PTGFRN: variants seen among roughly 807,000 people sequenced by gnomAD.
PTGFRN encodes the protein prostaglandin F2 receptor inhibitor.
PTGFRN carries 35 observed loss-of-function variants against 83.2 expected under a neutral mutation model. That is an observed-to-expected ratio of 0.42 (90% CI 0.32 to 0.56). The LOEUF (loss-of-function observed/expected upper bound fraction) is 0.56, where lower values mean the gene tolerates loss of function less well. Among genes scored for constraint, PTGFRN ranks in the 20% least tolerant of loss-of-function variants. PTGFRN has a pLI of 0.11. For synonymous variants in PTGFRN, 519 were observed against 498.6 expected (o/e 1.04, Z -0.55); for missense variants, 1,051 against 1,179.5 (o/e 0.89, Z 1.60).
At chr1:116,969,705 T>C (rs1398177094) in intron 6 of PTGFRN, among the ~76,000 whole-genome samples, 1 of 152,236 alleles carries the variant, frequency 6.6e-6, no homozygotes, top group Non-Finnish European at 1.5e-5. Context: ...CATTTAACAA[T>C]ACTGTTTTTC....
Position 116,944,708 on chromosome 1 carries a change from A to G in PTGFRN, c.448A>G (p.Ser150Gly). ...VLADSLHVGP[S>G]ARPPPSLSLR... ...GGCCGACTCCCTGCACGTGGGCCCC[A>G]GCGCGCGGCCCCCGCCGAGCCTGAG... is the stretch of plus-strand genomic sequence containing the variant. Residue 150 changes from serine to glycine, a missense_variant, in exon 3 of 9, where the codon AGC becomes GGC. Physicochemically the swap from Ser to Gly is moderately conservative, Grantham distance 56. Transcript: ENST00000393203. 7.0e-7 allele frequency: 1 copy of G among 1,418,992 alleles called. No individual in the cohort carries two copies. The highest frequency in any genetic ancestry group is 9.2e-7 in the Non-Finnish European group (1 of 1,091,748). The allele number at this position is 1,418,992 out of a possible 1,614,324, so 87.9% of individuals were successfully genotyped here. A position where few individuals can be genotyped will look rare whatever the true frequency, so the allele number is the denominator to read the frequency against.
At chr1:116,910,358 G>C in intron 1 of PTGFRN, 106 bp downstream of exon 1, 1 of 1,046,382 alleles carries the variant, frequency 9.6e-7, no homozygotes, top group Non-Finnish European at 1.2e-6. Context: ...AGGGTGCCCG[G>C]GCTGCTCCCG....
chr1:116,971,043 TAGAA>T (rs1251096116), intron 6 of PTGFRN, among the ~76,000 whole-genome samples: 1 of 152,208 alleles, frequency 6.6e-6, no homozygotes, highest in African/African-American at 2.4e-5. Flanking sequence ...TATAGTAATG[TAGAA>T]AGAAGGGAAA....
At position 116,928,805 on chromosome 1, in the gene PTGFRN, T is replaced by G. The variant is rs73012737; in HGVS notation, c.50-12910T>G. 2.2e-3 allele frequency among the ~76,000 whole-genome samples: 328 copies of G among 152,350 alleles called. 2 individuals carry two copies. The highest frequency in any genetic ancestry group is 7.6e-3 in the African/African-American group (315 of 41,576). On this transcript the variant is annotated intron_variant, in intron 1 of 8. Transcript: ENST00000393203. ...TTTGCCTCAAAACTTTTTAATATTT[T>G]TACTCCTTTTCTCTGTCTAACCTGA... is the stretch of plus-strand genomic sequence containing the variant.
rs1651577604 is a variant in PTGFRN at position 116,988,348 on chromosome 1, TC to T, written c.*1383del. 1 of 152,620 alleles carries T rather than the reference TC, an allele frequency of 6.6e-6. No individual in the cohort carries two copies. Among genetic ancestry groups the T allele is most frequent in the African/African-American group, 2.4e-5 (1 of 41,430 alleles). The allele number at this position is 152,620 out of a possible 1,614,324, so 9.5% of individuals were successfully genotyped here. On this transcript the variant is annotated 3_prime_UTR_variant, in exon 9 of 9. Transcript: ENST00000393203. Reference sequence around the variant, plus strand: ...GGAATAGGAGAGTAGACAGAGATCTTCCACATCCCAGGCTTCTGCTGCTGCT... The same window carrying T: ...GGAATAGGAGAGTAGACAGAGATCTTCACATCCCAGGCTTCTGCTGCTGCT...
rs1317596474 is a variant in PTGFRN, at chr1:116,958,139, C to T, written c.1214-3104C>T. Reference sequence around the variant, plus strand: ...AGGTGCCACTCTGAAAGAATCTGCACGGGGGTGGAAGTAAACCATTAAGGA... The same window carrying T: ...AGGTGCCACTCTGAAAGAATCTGCATGGGGGTGGAAGTAAACCATTAAGGA... On this transcript the variant is annotated intron_variant, in intron 4 of 8. Transcript: ENST00000393203. This position sits in a 1 kb window ranked among gnomAD's most constrained non-coding sequence, Gnocchi z 4.9. Among the ~76,000 whole-genome samples, 4 of 152,056 alleles carry T rather than the reference C, an allele frequency of 2.6e-5. No homozygotes were observed. Among genetic ancestry groups the T allele is most frequent in the African/African-American group, 4.8e-5 (2 of 41,386 alleles).
intron 4 of PTGFRN, among the ~76,000 whole-genome samples, chr1:116,951,534 T>TA (rs554321909): frequency 8.5e-5 from 13 of 152,240 alleles, no homozygotes; most frequent in Admixed American, 3.9e-4. Flanking sequence ...TGGATTTTGT[T>TA]AAAATATGTG....
intron 1 of PTGFRN, among the ~76,000 whole-genome samples, chr1:116,919,887 G>C (rs1649499118): frequency 6.6e-6 from 1 of 152,256 alleles, no homozygotes; most frequent in Non-Finnish European, 1.5e-5. Flanking sequence ...CTACTCACTA[G>C]TTTTGTGACC....
intron 1 of PTGFRN, among the ~76,000 whole-genome samples, chr1:116,919,792 G>C (rs944697817): frequency 1.3e-5 from 2 of 152,246 alleles, no homozygotes; most frequent in Non-Finnish European, 2.9e-5. Flanking sequence ...AACACTGAAA[G>C]GAATTGATAT....
intron 4 of PTGFRN, among the ~76,000 whole-genome samples, chr1:116,949,937 T>A (rs115543073): frequency 8.5e-4 from 130 of 152,328 alleles, no homozygotes; most frequent in African/African-American, 3.1e-3. Context: ...AGGTGCTCCC[T>A]GGCAGGAGCT....
In PTGFRN at chr1:116,961,343, G is replaced by A; in HGVS notation, c.1314G>A (p.Glu438=). The A allele has an allele frequency of 3.8e-6, 6 of 1,583,702 alleles. No homozygotes were observed. The highest frequency in any genetic ancestry group is 5.2e-6 in the Non-Finnish European group (6 of 1,162,474). ...ACRVVDTKSG[E]ANVRFTVSWY... ...GGGTGGTGGACACGAAGAGTGGGGA[G>A]GCGAATGTCCGATTCACGGTTTCGT... Residue 438 remains glutamate (E), a synonymous_variant, in exon 5 of 9, where the codon GAG becomes GAA. Transcript: ENST00000393203. This position sits in a 1 kb window ranked among gnomAD's most constrained non-coding sequence, Gnocchi z 5.4.
intron 5 of PTGFRN, chr1:116,962,588 C>G (rs889089683): frequency 3.3e-5 from 5 of 152,598 alleles, no homozygotes; most frequent in African/African-American, 1.2e-4. Context: ...TTCTTAGTTG[C>G]TTGTCCTCCT....
intron 1 of PTGFRN, among the ~76,000 whole-genome samples, chr1:116,928,652 T>C (rs2101055846): frequency 6.6e-6 from 1 of 152,334 alleles, no homozygotes; most frequent in Middle Eastern, 3.4e-3. Context: ...CTCCTTTGTG[T>C]TCCTTTTGTG....
Position 116,944,874 on chromosome 1 carries a change from TC to T in PTGFRN, c.616del (p.His206ThrfsTer68). On this transcript the variant is annotated frameshift_variant, in exon 3 of 9. Coordinates refer to ENST00000393203, the MANE Select transcript of PTGFRN (RefSeq NM_020440.4). LOFTEE classifies it high-confidence loss of function. Reference sequence around the variant, plus strand: ...CTCGCCCTGACCCACGAGGGCAGGTTCCACCCGGGCCTGGGGTACGAGCAGC... The same window carrying T: ...CTCGCCCTGACCCACGAGGGCAGGTTCACCCGGGCCTGGGGTACGAGCAGC... ...SVLALTHEGR[F>X]HPGLGYEQRY... is the part of the protein sequence containing the mutation. 1 of 1,608,062 alleles carries T rather than the reference TC, an allele frequency of 6.2e-7. No homozygotes were observed. Among genetic ancestry groups the T allele is most frequent in the Non-Finnish European group, 8.5e-7 (1 of 1,178,332 alleles).
Position 116,944,683 on chromosome 1 carries a change from G to C in PTGFRN, c.423G>C (p.Leu141=). 7.0e-7 allele frequency: 1 copy of C among 1,426,844 alleles called. No homozygotes were observed. Among genetic ancestry groups the C allele is most frequent in the Non-Finnish European group, 9.1e-7 (1 of 1,093,374 alleles). The allele number at this position is 1,426,844 out of a possible 1,614,324, so 88.4% of individuals were successfully genotyped here. ...CCTAGCTTTCTCTCTCCGCAGTGCT[G>C]GCCGACTCCCTGCACGTGGGCCCCA... ...NYEDTVQVKV[L]ADSLHVGPSA... The change falls in exon 3 of 9, where the codon CTG becomes CTC. Residue 141 remains leucine (L), a synonymous_variant. Coordinates refer to ENST00000393203, the MANE Select transcript of PTGFRN (RefSeq NM_020440.4).
intron 1 of PTGFRN, among the ~76,000 whole-genome samples, chr1:116,934,793 GAGA>G (rs1284097011): frequency 2.6e-5 from 4 of 152,160 alleles, no homozygotes; most frequent in Non-Finnish European, 5.9e-5. Flanking sequence ...TCTTCTATCT[GAGA>G]AGATTTACTT....
At chr1:116,916,478 C>G (rs1183065601) in intron 1 of PTGFRN, among the ~76,000 whole-genome samples, 1 of 152,186 alleles carries the variant, frequency 6.6e-6, no homozygotes, top group Non-Finnish European at 1.5e-5. Flanking sequence ...CTTCCTTGCT[C>G]TTCTTTAGAG....
intron 1 of PTGFRN, among the ~76,000 whole-genome samples, chr1:116,936,646 A>C (rs932743366): frequency 6.6e-6 from 1 of 152,212 alleles, no homozygotes; most frequent in African/African-American, 2.4e-5. Flanking sequence ...GCCATGAAGC[A>C]CCAGAGAGTA....
At position 116,961,739 on chromosome 1, in the gene PTGFRN, A is replaced by C. The variant is rs778991977; in HGVS notation, c.1639+71A>C. On this transcript the variant is annotated intron_variant, in intron 5 of 8. Coordinates refer to ENST00000393203, the MANE Select transcript of PTGFRN (RefSeq NM_020440.4). The surrounding 1 kb of genome is among the most constrained non-coding windows in gnomAD (Gnocchi z 5.4). ...AAGTCGTGCCGCTGTGTGTTGATGC[A>C]CAGTCACCCTCTGCAGGTTATCACT... The C allele has an allele frequency of 1.4e-5, 19 of 1,400,522 alleles. No homozygotes were observed. The highest frequency in any genetic ancestry group is 1.8e-5 in the Non-Finnish European group (18 of 1,028,416). 86.8% of individuals were successfully genotyped at this position (1,400,522 alleles called of 1,614,324 possible).
Sources: allele counts gnomAD v4.1 joint callset (sites outside exome capture counted in the v4.1 genomes callset), GRCh38; gene constraint gnomAD v4.1.1; non-coding constraint Gnocchi (gnomAD v3.1); transcripts MANE v1.5; gene names NCBI Gene and HGNC (gene_info 2026-07-23, HGNC 2026-07-21).